The following EPB41L2 variants were observed in gnomAD, a reference collection of about 807,000 sequenced individuals.
EPB41L2 encodes the protein band 4.1-like protein 2.
In EPB41L2, 43 loss-of-function variants were observed where a neutral mutation model predicts 113.0. The ratio of observed to expected loss-of-function variants is 0.38; its 90% CI spans 0.30 to 0.49. EPB41L2 has a LOEUF of 0.49. Among genes scored for constraint, EPB41L2 ranks in the 20% least tolerant of loss-of-function variants. The pLI is 0.95. For synonymous variants in EPB41L2, 442 were observed against 436.7 expected, an observed-to-expected ratio of 1.01 and a Z score of -0.15; for missense variants, 1,147 against 1,223.4, an observed-to-expected ratio of 0.94 and a Z score of 0.93.
chr6:130,937,248 T>C (rs1809120320), intron 3 of EPB41L2, among the ~76,000 whole-genome samples: 3 of 152,220 alleles, frequency 2.0e-5, no homozygotes, highest in Non-Finnish European at 4.4e-5. Context: ...TATAGCATCA[T>C]ACAGAGTAAC....
At chr6:130,964,876 AG>A (rs1425681803) in intron 1 of EPB41L2, among the ~76,000 whole-genome samples, 1 of 152,198 alleles carries the variant, frequency 6.6e-6, no homozygotes, top group African/African-American at 2.4e-5. Flanking sequence ...ACCAATAAAG[AG>A]AAGTGCCAGA....
At chr6:130,850,111 G>A (rs765333597) in intron 19 of EPB41L2, among the ~76,000 whole-genome samples, 24 of 152,146 alleles carry the variant, frequency 1.6e-4, no homozygotes, top group African/African-American at 3.9e-4. Context: ...GGTAGCACAC[G>A]CCTGTAATTC....
At chr6:130,935,860 A>G (rs1808610839) in intron 3 of EPB41L2, among the ~76,000 whole-genome samples, 1 of 152,118 alleles carries the variant, frequency 6.6e-6, no homozygotes, top group Non-Finnish European at 1.5e-5. Flanking sequence ...TATTCCAGGA[A>G]CCAATTCCCA....
intron 1 of EPB41L2, among the ~76,000 whole-genome samples, chr6:131,057,948 A>G (rs1015645523): frequency 6.6e-6 from 1 of 152,248 alleles, no homozygotes; most frequent in Non-Finnish European, 1.5e-5. Flanking sequence ...GAACTTAGTT[A>G]TCTATGCAAA....
chr6:130,894,287 T>A, intron 10 of EPB41L2, 57 bp downstream of exon 10: 1 of 1,401,260 alleles, frequency 7.1e-7, no homozygotes. Context: ...CCTGAGTCAG[T>A]GGAATTACAG....
chr6:130,913,217 C>A (rs553503615), intron 4 of EPB41L2, among the ~76,000 whole-genome samples: 55 of 152,312 alleles, frequency 3.6e-4, no homozygotes, highest in African/African-American at 1.2e-3. Flanking sequence ...AGTCAGACAG[C>A]CAAATTCAGA....
At chr6:130,848,895 C>T (rs768116995) in intron 19 of EPB41L2, among the ~76,000 whole-genome samples, 1 of 152,158 alleles carries the variant, frequency 6.6e-6, no homozygotes, top group Admixed American at 6.5e-5. Flanking sequence ...ATGACAGTTA[C>T]GTTAATGTCT....
chr6:130,945,458 C>T (rs1352012749), intron 3 of EPB41L2, among the ~76,000 whole-genome samples: 1 of 152,164 alleles, frequency 6.6e-6, no homozygotes, highest in Non-Finnish European at 1.5e-5. Flanking sequence ...ACGGTACTGA[C>T]ATTCCTGTGT....
chr6:130,881,350 T>C (rs1789253229), intron 12 of EPB41L2: 1 of 152,158 alleles, frequency 6.6e-6, no homozygotes, highest in Non-Finnish European at 1.5e-5. Flanking sequence ...AGAGTCTTTA[T>C]CAGATGTGAA....
intron 1 of EPB41L2, among the ~76,000 whole-genome samples, chr6:130,998,644 G>T (rs1783688737): frequency 6.6e-6 from 1 of 152,082 alleles, no homozygotes; most frequent in African/African-American, 2.4e-5. Flanking sequence ...ACTATTTGAT[G>T]ATTTCTATAT....
intron 1 of EPB41L2, among the ~76,000 whole-genome samples, chr6:130,979,405 G>A (rs561876619): frequency 6.7e-6 from 1 of 148,716 alleles, no homozygotes; most frequent in African/African-American, 2.5e-5. Context: ...TGAGACATGA[G>A]AATTGCTTGA....
At chr6:131,025,080 T>C (rs542990584) in intron 1 of EPB41L2, among the ~76,000 whole-genome samples, 2 of 152,222 alleles carry the variant, frequency 1.3e-5, no homozygotes, top group East Asian at 3.9e-4. Context: ...CTTTTTAGAT[T>C]GCTTTTATAT....
intron 1 of EPB41L2, among the ~76,000 whole-genome samples, chr6:131,051,697 G>C (rs1796596182): frequency 1.3e-5 from 2 of 152,128 alleles, no homozygotes; most frequent in African/African-American, 4.8e-5. Context: ...GAGGACTGAG[G>C]TGAGAGAAAG....
intron 17 of EPB41L2, 73 bp from the exon 18 acceptor site, chr6:130,863,791 G>C: frequency 3.1e-6 from 3 of 978,792 alleles, no homozygotes; most frequent in Non-Finnish European, 4.9e-6. Flanking sequence ...AGCAAACAGA[G>C]ATGGGAGTCC....
chr6:131,035,979 T>A (rs1027564373), intron 1 of EPB41L2, among the ~76,000 whole-genome samples: 1 of 152,168 alleles, frequency 6.6e-6, no homozygotes, highest in Non-Finnish European at 1.5e-5. Flanking sequence ...CTCAGTTACA[T>A]CTTCAAAGTG....
intron 3 of EPB41L2, among the ~76,000 whole-genome samples, chr6:130,954,190 A>C (rs2128618556): frequency 6.6e-6 from 1 of 150,546 alleles, no homozygotes; most frequent in South Asian, 2.1e-4. Flanking sequence ...GTAGCTGGGA[A>C]TACTGGCGCC....
chr6:131,023,007 C>T (rs1789868757), intron 1 of EPB41L2, among the ~76,000 whole-genome samples: 2 of 152,076 alleles, frequency 1.3e-5, no homozygotes, highest in South Asian at 2.1e-4. Flanking sequence ...TATTGCTTGG[C>T]ATCAATATAT....
chr6:130,946,903 G>A (rs920079624), intron 3 of EPB41L2, among the ~76,000 whole-genome samples: 9 of 151,732 alleles, frequency 5.9e-5, no homozygotes, highest in African/African-American at 2.2e-4. Flanking sequence ...GGTACTGATA[G>A]GTAACAAGAA....
chr6:130,890,613 A>G, intron 10 of EPB41L2, 147 bp from the exon 11 acceptor site: 1 of 947,194 alleles, frequency 1.1e-6, no homozygotes, highest in African/African-American at 1.7e-5. Context: ...TCTAAAGAAC[A>G]TTATTTATAA....
Sources: allele counts gnomAD v4.1 joint callset (sites outside exome capture counted in the v4.1 genomes callset), GRCh38; gene constraint gnomAD v4.1.1; transcripts MANE v1.5; gene names NCBI Gene and HGNC (gene_info 2026-07-23, HGNC 2026-07-21).